Variants in SYS1 observed in about 807,000 individuals in gnomAD.
The protein encoded by SYS1 is protein SYS1 homolog.
Under a neutral mutation model 17.8 loss-of-function variants are expected in SYS1, and 8 were observed. The observed-to-expected ratio is 0.45, with a 90% CI of 0.26 to 0.81. SYS1 has a LOEUF of 0.81. SYS1 is among the 40% of genes least tolerant of loss of function. SYS1 has a pLI of 0.16. For missense variants in SYS1, 161 were observed against 203.9 expected, an observed-to-expected ratio of 0.79 and a Z score of 1.28; for synonymous variants, 95 against 90.9, an observed-to-expected ratio of 1.05 and a Z score of -0.26.
At position 45,366,123 on chromosome 20, in the gene SYS1, G is replaced by C. The variant is rs148010608; in HGVS notation, c.230+437G>C. Among the ~76,000 whole-genome samples the C allele has an allele frequency of 1.1e-3, 167 of 152,314 alleles. 2 individuals are homozygous for C. The highest frequency in any genetic ancestry group is 3.9e-3 in the African/African-American group (164 of 41,562). On this transcript the variant is annotated intron_variant, in intron 3 of 3. Coordinates refer to ENST00000243918, the MANE Select transcript of SYS1 (RefSeq NM_033542.4). ...TGCCTGTCTCTTAAGAGGCAGTTTA[G>C]CATAGTGGTCAAGGTGTCAGGCTCT...
At chr20:45,370,034 C>T (rs769851831), downstream of SYS1, among the ~76,000 whole-genome samples, 5 of 152,180 alleles carry the variant, frequency 3.3e-5, no homozygotes, top group South Asian at 2.1e-4. Flanking sequence ...AAGCAATGCT[C>T]ATACTTCAGC....
At chr20:45,374,447 T>G (rs1002761592) in exon 4 of SYS1, 2 of 571,650 alleles carry the variant, frequency 3.5e-6, no homozygotes, top group African/African-American at 1.9e-5. Flanking sequence ...AATTTTTAAA[T>G]TTTTTGTAGA....
chr20:45,365,462 T>A, intron 2 of SYS1, 157 bp from the exon 3 acceptor site: 1 of 785,212 alleles, frequency 1.3e-6, no homozygotes, highest in Non-Finnish European at 2.3e-6. Flanking sequence ...TGGATGTCTA[T>A]GAAAGCACCT....
chr20:45,367,264 CAAAG>C lies in SYS1; in HGVS notation c.*152_*155del. The C allele has an allele frequency of 2.7e-6, 4 of 1,462,576 alleles. No homozygotes were observed. The highest frequency in any genetic ancestry group is 3.6e-6 in the Non-Finnish European group (4 of 1,110,320). The allele number at this position is 1,462,576 out of a possible 1,614,324, so 90.6% of individuals were successfully genotyped here. On this transcript the variant is annotated 3_prime_UTR_variant, in exon 4 of 4. Coordinates refer to ENST00000243918, the MANE Select transcript of SYS1 (RefSeq NM_033542.4). ...TTTGGGAGAGATAGTGAGGGCCTGT[CAAAG>C]AAGGCAGGTAGCAGTCAGCATGACA...
In SYS1 at chr20:45,363,221, C is replaced by A. The variant is rs890075773; in HGVS notation, c.-98C>A. The A allele has an allele frequency of 4.5e-6, 5 of 1,117,692 alleles. No individual in the cohort carries two copies. The African/African-American group carries it at 8.2e-5, about 18-fold the overall frequency. 69.2% of individuals were successfully genotyped at this position (1,117,692 alleles called of 1,614,324 possible). ...CTTTGCCTCTCTAGGCCGGCAGCGC[C>A]TCTCCTCCATGGTCCTGTCTGTCAG... On this transcript the variant is annotated 5_prime_UTR_variant, in exon 1 of 4. Transcript: ENST00000243918.
Position 45,365,645 on chromosome 20 carries a change from C to A in SYS1, c.189C>A (p.Gly63=). 6.2e-7 allele frequency: 1 copy of A among 1,614,206 alleles called. No individual in the cohort carries two copies. The highest frequency in any genetic ancestry group is 1.3e-5 in the African/African-American group (1 of 75,048). ...AEILGFSTPP[G]RLSMMSFILN... is the part of the protein sequence containing the mutation. The stretch of plus-strand genomic sequence containing the variant: ...TCCTGGGCTTTTCCACCCCTCCAGG[C>A]CGGCTCTCCATGATGTCCTTCATCC... Residue 63 remains glycine, a synonymous_variant, in exon 3 of 4, where the codon GGC becomes GGA. Transcript: ENST00000243918.
intron 2 of SYS1, 28 bp from the exon 3 acceptor site, chr20:45,365,591 T>C (rs754604161): frequency 1.2e-6 from 2 of 1,611,850 alleles, no homozygotes; most frequent in Non-Finnish European, 1.7e-6. Context: ...ACTTCTCCAG[T>C]ATATTTCCAT....
At chr20:45,364,706 C>T (rs993500073) in intron 2 of SYS1, among the ~76,000 whole-genome samples, 2 of 151,906 alleles carry the variant, frequency 1.3e-5, no homozygotes, top group African/African-American at 4.8e-5. Flanking sequence ...CTCCTGACCT[C>T]GTGATCCGCC....
At position 45,367,634 on chromosome 20, in the gene SYS1, T is replaced by C. The variant is rs1473850507; in HGVS notation, c.*519T>C. On this transcript the variant is annotated 3_prime_UTR_variant, in exon 4 of 4. Transcript: ENST00000243918. ...AGAAAGAAATGTAGGTGTGAAGTAT[T>C]AGGCTGCTGTCAGGGAGAGGATGGC... is the stretch of plus-strand genomic sequence containing the variant. 3.0e-6 allele frequency: 3 copies of C among 993,764 alleles called. No homozygotes were observed. The highest frequency in any genetic ancestry group is 2.4e-6 in the Non-Finnish European group (2 of 834,530). 61.6% of individuals were successfully genotyped at this position (993,764 alleles called of 1,614,324 possible).
chr20:45,375,997 T>C (rs1988720390), exon 4 of SYS1: 1 of 159,070 alleles, frequency 6.3e-6, no homozygotes, highest in African/African-American at 2.4e-5. Flanking sequence ...TGGAAATAGA[T>C]ATTTGAACAG....
At chr20:45,369,839 G>A (rs538505562), downstream of SYS1, among the ~76,000 whole-genome samples, 69 of 151,498 alleles carry the variant, frequency 4.6e-4, no homozygotes, top group Middle Eastern at 3.5e-3. Context: ...GGCTGGTCTC[G>A]AACTCCTGGG....
At chr20:45,375,576 C>A in exon 4 of SYS1, 1 of 1,590,150 alleles carries the variant, frequency 6.3e-7, no homozygotes, top group South Asian at 1.1e-5. Context: ...GAAAGGCAGT[C>A]AGCACAGCAG....
chr20:45,372,174 G>A (rs1469572435), downstream of SYS1, among the ~76,000 whole-genome samples: 1 of 152,214 alleles, frequency 6.6e-6, no homozygotes, highest in African/African-American at 2.4e-5. Flanking sequence ...GTGGAATTGT[G>A]GGAGGCAGGT....
chr20:45,367,914 T>C lies in SYS1; in HGVS notation c.*799T>C. 1 of 985,702 alleles carries C rather than the reference T, an allele frequency of 1.0e-6. No homozygotes were observed. The highest frequency in any genetic ancestry group is 1.7e-5 in the African/African-American group (1 of 57,366). 61.1% of individuals were successfully genotyped at this position (985,702 alleles called of 1,614,324 possible). A position where few individuals can be genotyped will look rare whatever the true frequency, so the allele number is the denominator to read the frequency against. ...GCTCCCACTGGACTCCAATTTTTTT[T>C]CCTGCCTTATTTAGAATTCTTTGGC... On this transcript the variant is annotated 3_prime_UTR_variant, in exon 4 of 4. Coordinates refer to ENST00000243918, the MANE Select transcript of SYS1 (RefSeq NM_033542.4).
exon 4 of SYS1, chr20:45,375,139 G>A (rs767966819): frequency 6.2e-7 from 1 of 1,614,144 alleles, no homozygotes; most frequent in South Asian, 1.1e-5. Context: ...CATCACCCTG[G>A]GCGCCGGGAG....
At chr20:45,362,347 TTTTATTTA>T (rs56348135), upstream of SYS1, among the ~76,000 whole-genome samples, 115,761 of 149,306 alleles carry the variant, frequency 0.78, 45,082 homozygotes, top group African/African-American at 0.81. Flanking sequence ...AACACTTGAA[TTTTATTTA>T]TTTATTTATT....
Position 45,363,704 on chromosome 20 carries a change from C to A in SYS1, c.162+11C>A. The A allele has an allele frequency of 6.4e-7, 1 of 1,553,204 alleles. No homozygotes were observed. Among genetic ancestry groups the A allele is most frequent in the East Asian group, 2.4e-5 (1 of 41,424 alleles). Reference sequence around the variant, plus strand: ...ATGTTCGACGCCGAGGTAGGGTCCCCGGACTGGGGCGGGTGGGGTCTCGGC... The same window carrying A: ...ATGTTCGACGCCGAGGTAGGGTCCCAGGACTGGGGCGGGTGGGGTCTCGGC... On this transcript the variant is annotated intron_variant, in intron 2 of 3. Coordinates refer to ENST00000243918, the MANE Select transcript of SYS1 (RefSeq NM_033542.4).
At chr20:45,366,397 C>T (rs985146146) in intron 3 of SYS1, among the ~76,000 whole-genome samples, 2 of 152,172 alleles carry the variant, frequency 1.3e-5, no homozygotes, top group Admixed American at 6.5e-5. Context: ...ATTTGTCTTC[C>T]AGATAGGTTC....
At chr20:45,376,425 T>A (rs998212763) in exon 4 of SYS1, 1 of 152,234 alleles carries the variant, frequency 6.6e-6, no homozygotes, top group Non-Finnish European at 1.5e-5. Flanking sequence ...TTGGGATCCT[T>A]ACTATTTCTG....
Sources: allele counts gnomAD v4.1 joint callset (sites outside exome capture counted in the v4.1 genomes callset), GRCh38; gene constraint gnomAD v4.1.1; transcripts MANE v1.5; gene names NCBI Gene and HGNC (gene_info 2026-07-23, HGNC 2026-07-21).